The following PIK3C2A variants were observed in gnomAD, a reference collection of about 807,000 sequenced individuals.
PIK3C2A encodes the protein phosphatidylinositol-4-phosphate 3-kinase catalytic subunit type 2 alpha.
Under a neutral mutation model 204.5 loss-of-function variants are expected in PIK3C2A, and 97 were observed. The observed-to-expected ratio is 0.47, with a 90% confidence interval of 0.40 to 0.56. The LOEUF (loss-of-function observed/expected upper bound fraction) is 0.56. PIK3C2A is among the 20% of genes least tolerant of loss of function. The pLI, the probability that PIK3C2A is intolerant of heterozygous loss-of-function variation, is 0.00. For missense variants in PIK3C2A, 1,735 were observed against 1,969.2 expected, an observed-to-expected ratio of 0.88 and a Z score of 2.25; for synonymous variants, 653 against 664.4, an observed-to-expected ratio of 0.98 and a Z score of 0.26.
chr11:17,140,880 G>A (rs1161171188), intron 8 of PIK3C2A, among the ~76,000 whole-genome samples: 1 of 152,194 alleles, frequency 6.6e-6, no homozygotes, highest in African/African-American at 2.4e-5. Flanking sequence ...TTTTAGATAA[G>A]ATGGTGAGTA....
At chr11:17,150,741 A>G in intron 3 of PIK3C2A, 86 bp from the exon 4 acceptor site, 1 of 882,700 alleles carries the variant, frequency 1.1e-6, no homozygotes, top group Non-Finnish European at 1.6e-6. Flanking sequence ...GTTTACAGCC[A>G]CTCAGTTCTG....
At chr11:17,140,118 C>T (rs1207203026) in intron 8 of PIK3C2A, among the ~76,000 whole-genome samples, 1 of 152,146 alleles carries the variant, frequency 6.6e-6, no homozygotes, top group Admixed American at 6.5e-5. Context: ...GTAATCAAAA[C>T]CTCTGCAACT....
intron 11 of PIK3C2A, among the ~76,000 whole-genome samples, chr11:17,132,893 C>CACT (rs1211415279): frequency 1.3e-5 from 2 of 152,098 alleles, no homozygotes; most frequent in Non-Finnish European, 2.9e-5. Context: ...GTGACTCAGC[C>CACT]ACTAATTGCC....
intron 3 of PIK3C2A, among the ~76,000 whole-genome samples, chr11:17,155,135 A>G (rs950336938): frequency 6.6e-6 from 1 of 152,216 alleles, no homozygotes; most frequent in Admixed American, 6.5e-5. Context: ...TTGCTCTTCT[A>G]AACTTGCCTA....
chr11:17,199,903 C>CA lies in PIK3C2A; in HGVS notation c.-66+7944dup, dbSNP rs35435978. On this transcript the variant is annotated intron_variant, in intron 1 of 32. Coordinates refer to ENST00000691414, the MANE Select transcript of PIK3C2A (RefSeq NM_002645.4). ...TGCCACTACATTCCAGCCTCCATCT[C>CA]AAAAAAAAAAAAAAAAAAAGTAGAT... Among the ~76,000 whole-genome samples the CA allele has an allele frequency of 4.2e-3, 446 of 106,800 alleles. 3 individuals are homozygous for CA. Among genetic ancestry groups the CA allele is most frequent in the African/African-American group, 9.9e-3 (275 of 27,838 alleles). 70.1% of individuals were successfully genotyped at this position (106,800 alleles called of 152,430 possible). A position where few individuals can be genotyped will look rare whatever the true frequency, so the allele number is the denominator to read the frequency against.
In PIK3C2A at chr11:17,131,962, C is replaced by T; in HGVS notation, c.2185G>A (p.Val729Ile). The T allele has an allele frequency of 6.3e-7, 1 of 1,592,536 alleles. No homozygotes were observed. The highest frequency in any genetic ancestry group is 1.1e-5 in the South Asian group (1 of 88,542). The change falls in exon 12 of 33, where the codon GTT (valine) becomes ATT (isoleucine). Residue 729 changes from valine (V) to isoleucine (I), a missense_variant. Physicochemically the swap from Val to Ile is conservative, Grantham distance 29. Around this residue, in one of 6 missense-constraint regions of PIK3C2A, gnomAD observed 567 missense variants for 576.0 expected, o/e 0.98. Coordinates refer to ENST00000691414, the MANE Select transcript of PIK3C2A (RefSeq NM_002645.4). ...DLFKPIQSKK[V>I]GTYKNFFYLI... ...TAGAAGAAATTCTTGTAAGTGCCAA[C>T]CTTCTTTGATTGAATAGGTTTAAAA... is the stretch of plus-strand genomic sequence containing the variant.
intron 8 of PIK3C2A, among the ~76,000 whole-genome samples, chr11:17,139,361 G>A (rs1325958794): frequency 1.3e-5 from 2 of 152,064 alleles, no homozygotes; most frequent in Non-Finnish European, 2.9e-5. Flanking sequence ...CCGAGAAGGT[G>A]GGATTACAAG....
intron 1 of PIK3C2A, among the ~76,000 whole-genome samples, chr11:17,182,247 A>G (rs1355792374): frequency 6.6e-6 from 1 of 152,154 alleles, no homozygotes; most frequent in Non-Finnish European, 1.5e-5. Context: ...AAATAATCAT[A>G]TATGATTTGT....
intron 1 of PIK3C2A, among the ~76,000 whole-genome samples, chr11:17,187,608 A>C (rs1029849788): frequency 6.6e-6 from 1 of 152,174 alleles, no homozygotes; most frequent in Non-Finnish European, 1.5e-5. Flanking sequence ...GAGAAGTATG[A>C]AAAACTAAAA....
At chr11:17,162,135 A>C (rs1850794205) in intron 2 of PIK3C2A, among the ~76,000 whole-genome samples, 1 of 152,122 alleles carries the variant, frequency 6.6e-6, no homozygotes, top group African/African-American at 2.4e-5. Flanking sequence ...CACGAGTTCA[A>C]GACCAGCCTG....
intron 1 of PIK3C2A, among the ~76,000 whole-genome samples, chr11:17,200,140 C>T (rs970525761): frequency 2.0e-5 from 3 of 151,608 alleles, no homozygotes; most frequent in African/African-American, 7.3e-5. Context: ...GAGCTGAGAT[C>T]GCGCCACTGC....
chr11:17,122,423 C>T (rs1258529120), intron 14 of PIK3C2A, 90 bp from the exon 15 acceptor site: 2 of 767,852 alleles, frequency 2.6e-6, no homozygotes, highest in Non-Finnish European at 4.3e-6. Context: ...TTTTTCTTAG[C>T]AATCGGGGCA....
rs747295870 is a variant in PIK3C2A, at chr11:17,122,315, C to T, written c.2530G>A (p.Ala844Thr). 2 of 1,546,996 alleles carry T rather than the reference C, an allele frequency of 1.3e-6. No homozygotes were observed. Among genetic ancestry groups the T allele is most frequent in the Non-Finnish European group, 1.8e-6 (2 of 1,124,832 alleles). Residue 844 changes from alanine to threonine, a missense_variant, in exon 15 of 33, where the codon GCA (alanine) becomes ACA (threonine). This residue lies in a region of PIK3C2A where 567 missense variants were observed against 576.0 expected (regional missense o/e 0.98). Transcript: ENST00000691414. ...GGAGTTGTATAAATAATATCAAATG[C>T]AGGAGAAGGAAAATCAACCTTTAAA... is the stretch of plus-strand genomic sequence containing the variant. Reference protein sequence around the residue: ...IVLQVDFPSPAFDIIYTTPQV... With the variant: ...IVLQVDFPSPTFDIIYTTPQV...
At chr11:17,134,342 C>T (rs553468823) in intron 11 of PIK3C2A, among the ~76,000 whole-genome samples, 2 of 151,724 alleles carry the variant, frequency 1.3e-5, no homozygotes, top group African/African-American at 2.4e-5. Context: ...GTAGCTGGGA[C>T]TACAGGTGCA....
intron 2 of PIK3C2A, among the ~76,000 whole-genome samples, chr11:17,160,395 T>C (rs1251385999): frequency 2.6e-5 from 4 of 152,064 alleles, no homozygotes; most frequent in Non-Finnish European, 5.9e-5. Context: ...AAGAAAAGGA[T>C]GTAGTCAATT....
chr11:17,126,053 G>C (rs1266073365), intron 13 of PIK3C2A, among the ~76,000 whole-genome samples: 1 of 152,106 alleles, frequency 6.6e-6, no homozygotes, highest in Non-Finnish European at 1.5e-5. Flanking sequence ...GAACCTAGGA[G>C]GCAGAGGTTG....
intron 13 of PIK3C2A, among the ~76,000 whole-genome samples, chr11:17,126,563 G>A (rs1849533767): frequency 1.3e-5 from 2 of 152,024 alleles, no homozygotes; most frequent in South Asian, 2.1e-4. Context: ...ATAACACAGT[G>A]GTTAACTCAA....
chr11:17,093,607 T>G (rs1010052791), intron 28 of PIK3C2A, among the ~76,000 whole-genome samples: 11 of 146,898 alleles, frequency 7.5e-5, no homozygotes, highest in Non-Finnish European at 1.5e-4. Context: ...TGGCCCATGA[T>G]AGATTATTTC....
At chr11:17,114,679 C>T (rs556708058) in intron 19 of PIK3C2A, among the ~76,000 whole-genome samples, 8 of 152,188 alleles carry the variant, frequency 5.3e-5, no homozygotes, top group South Asian at 2.1e-4. Flanking sequence ...CCAATGTATA[C>T]GAAAATGTTA....
Sources: gnomAD v4.1 joint callset for allele counts (sites outside exome capture counted in the v4.1 genomes callset) on GRCh38, gnomAD v4.1.1 for gene constraint, gnomAD v4.1.1 regional missense constraint, MANE v1.5 for transcripts, NCBI Gene and HGNC (gene_info 2026-07-23, HGNC 2026-07-21) for gene names.